The following NAA16 variants were observed in gnomAD, a reference collection of about 807,000 sequenced individuals.
NAA16 encodes N-alpha-acetyltransferase 16, NatA auxiliary subunit, also known as NARG1-like protein.
Under a neutral mutation model 110.3 loss-of-function variants are expected in NAA16, and 97 were observed. The observed-to-expected ratio is 0.88, with a 90% CI of 0.75 to 1.04. The LOEUF is 1.04. Among genes scored for constraint, NAA16 ranks in the 50% least tolerant of loss-of-function variants. The pLI is 0.00. For synonymous variants in NAA16, 372 were observed against 330.6 expected (o/e 1.13, Z -1.36); for missense variants, 1,017 against 1,005.1 (o/e 1.01, Z -0.16).
At chr13:41,338,123 G>A (rs2042432909) in intron 9 of NAA16, among the ~76,000 whole-genome samples, 1 of 152,034 alleles carries the variant, frequency 6.6e-6, no homozygotes, top group Admixed American at 6.6e-5. Flanking sequence ...TTTAACATTG[G>A]GTAAAATTCT....
chr13:41,314,634 C>G (rs1177744338), intron 1 of NAA16, among the ~76,000 whole-genome samples: 2 of 152,124 alleles, frequency 1.3e-5, no homozygotes, highest in African/African-American at 2.4e-5. Context: ...TTGCTTTGAA[C>G]TTAGTAGGCT....
At chr13:41,358,995 C>T (rs1242134248) in intron 12 of NAA16, 33 bp downstream of exon 12, 3 of 1,545,524 alleles carry the variant, frequency 1.9e-6, no homozygotes, top group Non-Finnish European at 1.8e-6. Context: ...ATGTAATTGT[C>T]TAAATTAAGA....
Position 41,316,754 on chromosome 13 carries a change from T to C in NAA16, c.55-92T>C. 8.8e-6 allele frequency: 7 copies of C among 793,814 alleles called. No homozygotes were observed. In the South Asian group the frequency reaches 1.0e-4, roughly 12 times the overall value. The allele number at this position is 793,814 out of a possible 1,614,324, so 49.2% of individuals were successfully genotyped here. ...TTCTATCACATTTTAGACCTAATTTTGGATCTTGAGTTTAGAATATATGAT... is the reference window on the plus strand; with the variant it reads ...TTCTATCACATTTTAGACCTAATTTCGGATCTTGAGTTTAGAATATATGAT... On this transcript the variant is annotated intron_variant, in intron 1 of 19. Transcript: ENST00000379406.
intron 10 of NAA16, among the ~76,000 whole-genome samples, chr13:41,355,893 A>G (rs538097579): frequency 3.3e-5 from 5 of 152,234 alleles, no homozygotes; most frequent in South Asian, 4.1e-4. Context: ...CTTTGTTTCT[A>G]TATTTGTAGG....
At position 41,358,368 on chromosome 13, in the gene NAA16, T is replaced by C. The variant is rs1319116214; in HGVS notation, c.1152T>C (p.Phe384=). The C allele has an allele frequency of 6.2e-7, 1 of 1,614,018 alleles. No homozygotes were observed. The highest frequency in any genetic ancestry group is 8.5e-7 in the Non-Finnish European group (1 of 1,179,888). ...LWVQYFLAQH[F]DKLGQYSLAL... ...TTCAGTATTTCCTGGCACAGCACTTTGATAAACTTGGACAGTATTCTTTGG... is the reference window on the plus strand; with the variant it reads ...TTCAGTATTTCCTGGCACAGCACTTCGATAAACTTGGACAGTATTCTTTGG... Residue 384 remains phenylalanine (F), a synonymous_variant, in exon 11 of 20, where the codon TTT becomes TTC. Coordinates refer to ENST00000379406, the MANE Select transcript of NAA16 (RefSeq NM_024561.5).
Position 41,339,481 on chromosome 13 carries a change from G to A in NAA16, c.1014+2725G>A, listed in dbSNP as rs140010017. On this transcript the variant is annotated intron_variant, in intron 9 of 19. Coordinates refer to ENST00000379406, the MANE Select transcript of NAA16 (RefSeq NM_024561.5). ...TGTCTCCAGCATTTAAATTTTTTTG[G>A]CAAACTAGAGTTTGGGTAGAGTGGA... Among the ~76,000 whole-genome samples, 118 of 152,130 alleles carry A rather than the reference G, an allele frequency of 7.8e-4. 3 individuals carry two copies. In the East Asian group the frequency reaches 0.016, roughly 21 times the overall value.
At chr13:41,374,882 C>A (rs41287005) in intron 19 of NAA16, 43 bp downstream of exon 19, 1 of 1,197,656 alleles carries the variant, frequency 8.3e-7, no homozygotes, top group East Asian at 2.3e-5. Context: ...ACACAGTGAT[C>A]TAACAAAACG....
At chr13:41,327,254 T>TGGG (rs2042117873) in intron 6 of NAA16, among the ~76,000 whole-genome samples, 1 of 132,254 alleles carries the variant, frequency 7.6e-6, no homozygotes, top group African/African-American at 4.2e-5. Context: ...GGGTAAATAA[T>TGGG]TAAATATTCT....
chr13:41,374,490 T>G, intron 18 of NAA16: 1 of 274,554 alleles, frequency 3.6e-6, no homozygotes, highest in Non-Finnish European at 6.8e-6. Flanking sequence ...CATCATTTTG[T>G]GAAGGAAGAA....
At chr13:41,325,055 T>C (rs1464745184) in intron 5 of NAA16, among the ~76,000 whole-genome samples, 1 of 149,100 alleles carries the variant, frequency 6.7e-6, no homozygotes, top group Non-Finnish European at 1.5e-5. Flanking sequence ...ACTTCCGGGC[T>C]TAAGCGATTC....
In NAA16 at chr13:41,376,339, A is replaced by T. The variant is rs2043426236; in HGVS notation, c.*737A>T. The T allele has an allele frequency of 6.6e-6, 1 of 152,164 alleles. No individual in the cohort carries two copies. Among genetic ancestry groups the T allele is most frequent in the South Asian group, 2.1e-4 (1 of 4,828 alleles). The allele number at this position is 152,164 out of a possible 1,614,324, so 9.4% of individuals were successfully genotyped here. ...ATATTGAAGTTTATTTGAAAATTTA[A>T]TTCGTCCTTTTTTCATTGTAATATT... On this transcript the variant is annotated 3_prime_UTR_variant, in exon 20 of 20. Transcript: ENST00000379406.
chr13:41,373,815 G>A, intron 18 of NAA16, 35 bp downstream of exon 18: 2 of 1,550,792 alleles, frequency 1.3e-6, no homozygotes, highest in Non-Finnish European at 1.7e-6. Context: ...AAATACTTAT[G>A]GAAAAAGCGA....
chr13:41,360,607 A>G (rs1159419137), intron 12 of NAA16, among the ~76,000 whole-genome samples: 1 of 152,216 alleles, frequency 6.6e-6, no homozygotes, highest in Non-Finnish European at 1.5e-5. Context: ...ACAAGTTGCC[A>G]TGCTGTATGG....
At chr13:41,371,618 T>C (rs890760076) in intron 15 of NAA16, among the ~76,000 whole-genome samples, 5 of 152,170 alleles carry the variant, frequency 3.3e-5, no homozygotes, top group African/African-American at 7.2e-5. Context: ...GCTTACTTTA[T>C]TATAAGAATA....
At chr13:41,347,584 C>T (rs1163723751) in intron 9 of NAA16, among the ~76,000 whole-genome samples, 1 of 152,066 alleles carries the variant, frequency 6.6e-6, no homozygotes, top group Non-Finnish European at 1.5e-5. Context: ...TGTTCCTAAG[C>T]ATGCCATTCT....
chr13:41,361,414 C>A (rs1939663166), intron 12 of NAA16, among the ~76,000 whole-genome samples: 1 of 152,290 alleles, frequency 6.6e-6, no homozygotes, highest in Non-Finnish European at 1.5e-5. Flanking sequence ...GTAACAGTGA[C>A]CCCGAGTCAG....
chr13:41,356,582 C>T (rs2042993874), intron 10 of NAA16, among the ~76,000 whole-genome samples: 2 of 152,098 alleles, frequency 1.3e-5, no homozygotes, highest in South Asian at 4.1e-4. Context: ...TCACATTTCC[C>T]CCATTATCCA....
chr13:41,372,101 A>G (rs1379537069), intron 15 of NAA16, 102 bp from the exon 16 acceptor site: 2 of 969,472 alleles, frequency 2.1e-6, no homozygotes, highest in Non-Finnish European at 2.8e-6. Flanking sequence ...TTATAAAGAA[A>G]GCTGTCTAAA....
At chr13:41,322,923 A>T in intron 4 of NAA16, 133 bp from the exon 5 acceptor site, 1 of 832,152 alleles carries the variant, frequency 1.2e-6, no homozygotes, top group Non-Finnish European at 1.9e-6. Context: ...CATAAAAAGT[A>T]CTTCTATTTT....
Sources: gnomAD v4.1 joint callset for allele counts (sites outside exome capture counted in the v4.1 genomes callset) on GRCh38, gnomAD v4.1.1 for gene constraint, MANE v1.5 for transcripts, NCBI Gene and HGNC (gene_info 2026-07-23, HGNC 2026-07-21) for gene names.